Variants in C2orf80 observed in about 807,000 individuals in gnomAD.
C2orf80 encodes uncharacterized protein C2orf80.
C2orf80 carries 28 observed loss-of-function variants against 30.2 expected under a neutral mutation model. The observed-to-expected ratio is 0.93, with a 90% confidence interval of 0.69 to 1.27. C2orf80 has a LOEUF of 1.27. Among genes scored for constraint, C2orf80 ranks in the 50% most tolerant of loss-of-function variants. C2orf80 has a pLI of 0.00. For synonymous variants in C2orf80, 80 were observed against 76.4 expected (o/e 1.05, Z -0.24); for missense variants, 220 against 231.0 (o/e 0.95, Z 0.31).
intron 2 of C2orf80, 73 bp from the exon 3 acceptor site, chr2:208,185,105 T>TC (rs144966371): frequency 0.075 from 76,285 of 1,012,114 alleles, 3,601 homozygotes; most frequent in African/African-American, 0.24. Flanking sequence ...GCTTTTTTTT[T>TC]TCCCATCCCT....
rs1398451268 is a variant in C2orf80, at chr2:208,176,970, CATATATACAGAAATGT to C, written c.366+3759_366+3774del. Among the ~76,000 whole-genome samples, 85 of 91,958 alleles carry C rather than the reference CATATATACAGAAATGT, an allele frequency of 9.2e-4. 2 individuals are homozygous for C. Among genetic ancestry groups the C allele is most frequent in the South Asian group, 1.5e-3 (4 of 2,606 alleles). 60.3% of individuals were successfully genotyped at this position (91,958 alleles called of 152,430 possible). ...ATACATATCTGTATACATATGTATACATATATACAGAAATGTATATGTATACATATATACATATATA... is the reference window on the plus strand; with the variant it reads ...ATACATATCTGTATACATATGTATACATATGTATACATATATACATATATA... On this transcript the variant is annotated intron_variant, in intron 6 of 8. Transcript: ENST00000341287.
At chr2:208,176,923 A>G (rs1353844629) in intron 6 of C2orf80, among the ~76,000 whole-genome samples, 2 of 120,174 alleles carry the variant, frequency 1.7e-5, no homozygotes, top group Admixed American at 7.7e-5. Context: ...ACATATCTGT[A>G]TACATATGTA....
In C2orf80 at chr2:208,182,975, A is replaced by T. The variant is rs779699466; in HGVS notation, c.196T>A (p.Trp66Arg). ...DPSEDLTWLE[W>R]EELKIPLHGR... ...CCTACTTCAACTTACAGTTCCTCCC[A>T]CTCCAGCCAAGTTAAGTCTTCTGAG... The change falls in exon 4 of 9, where the codon TGG (tryptophan) becomes AGG (arginine). Residue 66 changes from tryptophan to arginine, a missense_variant. Trp to Arg is a moderately radical substitution (Grantham distance 101). Coordinates refer to ENST00000341287, the MANE Select transcript of C2orf80 (RefSeq NM_001099334.3). 49 of 1,613,176 alleles carry T rather than the reference A, an allele frequency of 3.0e-5. 1 individual carries two copies. In the South Asian group the frequency reaches 5.4e-4, roughly 18 times the overall value.
At chr2:208,180,904 T>A (rs1696536789) in intron 5 of C2orf80, 88 bp from the exon 6 acceptor site, 2 of 1,113,488 alleles carry the variant, frequency 1.8e-6, no homozygotes, top group Non-Finnish European at 2.7e-6. Context: ...CTCCAGTATG[T>A]CTAAAACTGT....
rs1235193041 is a variant in C2orf80, at chr2:208,189,955, A to G, written c.-78T>C. 1.4e-6 allele frequency: 1 copy of G among 702,926 alleles called. No homozygotes were observed. Among genetic ancestry groups the G allele is most frequent in the Admixed American group, 2.0e-5 (1 of 50,006 alleles). 43.5% of individuals were successfully genotyped at this position (702,926 alleles called of 1,614,324 possible). Reference sequence around the variant, plus strand: ...ATTCCCCTTTGAGAATCGCTCACCAACCGGAGACCGGTTCCAGTGCTTTTG... The same window carrying G: ...ATTCCCCTTTGAGAATCGCTCACCAGCCGGAGACCGGTTCCAGTGCTTTTG... On this transcript the variant is annotated splice_region_variant and 5_prime_UTR_variant, in exon 1 of 9. Coordinates refer to ENST00000341287, the MANE Select transcript of C2orf80 (RefSeq NM_001099334.3).
intron 8 of C2orf80, among the ~76,000 whole-genome samples, chr2:208,168,690 A>G (rs894712968): frequency 6.7e-6 from 1 of 148,220 alleles, no homozygotes; most frequent in Non-Finnish European, 1.5e-5. Context: ...AGTTGGAAAA[A>G]ATGCCTAAAG....
Position 208,172,046 on chromosome 2 carries a change from G to A in C2orf80, c.396C>T (p.Ser132=). 1.9e-6 allele frequency: 3 copies of A among 1,613,914 alleles called. No homozygotes were observed. The highest frequency in any genetic ancestry group is 2.5e-6 in the Non-Finnish European group (3 of 1,179,854). ...CTGTTAACATGGCAAAGGGGTGCAA[G>A]GAGAGGCAGAGAGATGAAACTCGGG... ...KVPRVSSLCL[S]LHPFAMLTAP... The change falls in exon 7 of 9, where the codon TCC becomes TCT. Residue 132 remains serine (S), a synonymous_variant. Transcript: ENST00000341287.
chr2:208,183,799 A>G (rs1257446343), intron 3 of C2orf80, among the ~76,000 whole-genome samples: 1 of 152,176 alleles, frequency 6.6e-6, no homozygotes, highest in African/African-American at 2.4e-5. Flanking sequence ...CACGTATAGT[A>G]AAAAGCTGAG....
At chr2:208,182,549 C>T (rs1205235247) in intron 4 of C2orf80, among the ~76,000 whole-genome samples, 3 of 152,122 alleles carry the variant, frequency 2.0e-5, no homozygotes, top group Non-Finnish European at 4.4e-5. Context: ...TACAGGTGTG[C>T]GCCACCACGC....
chr2:208,165,576 C>G lies in C2orf80; in HGVS notation c.*231G>C. On this transcript the variant is annotated 3_prime_UTR_variant, in exon 9 of 9. Transcript: ENST00000341287. ...ACTTTCTGAATTCTCCAGCAGTCTT[C>G]CAGTCACAATGAAGTAGCATAAGGT... 1 of 480,150 alleles carries G rather than the reference C, an allele frequency of 2.1e-6. No individual in the cohort carries two copies. Among genetic ancestry groups the G allele is most frequent in the Non-Finnish European group, 3.7e-6 (1 of 273,450 alleles). 29.7% of individuals were successfully genotyped at this position (480,150 alleles called of 1,614,324 possible). A position where few individuals can be genotyped will look rare whatever the true frequency, so the allele number is the denominator to read the frequency against.
chr2:208,174,880 A>ACT (rs528009411), intron 6 of C2orf80, among the ~76,000 whole-genome samples: 28 of 151,840 alleles, frequency 1.8e-4, no homozygotes, highest in African/African-American at 6.1e-4. Context: ...GCTCATTTCC[A>ACT]CTCTCTCTGT....
At chr2:208,174,285 G>C (rs58302395) in intron 6 of C2orf80, among the ~76,000 whole-genome samples, 1,711 of 152,168 alleles carry the variant, frequency 0.011, 33 homozygotes, top group African/African-American at 0.039. Context: ...TTGAACTTTT[G>C]TTTAAAACAT....
At chr2:208,169,847 G>A (rs1215728154) in intron 8 of C2orf80, among the ~76,000 whole-genome samples, 1 of 152,122 alleles carries the variant, frequency 6.6e-6, no homozygotes, top group Non-Finnish European at 1.5e-5. Context: ...TCTGTTATCA[G>A]AATAACATTT....
chr2:208,175,211 CGGGGGG>C lies in C2orf80; in HGVS notation c.367-3142_367-3137del, dbSNP rs71412474. 6.2e-5 allele frequency among the ~76,000 whole-genome samples: 8 copies of C among 128,272 alleles called. No individual in the cohort carries two copies. The East Asian group carries it at 6.3e-4, about 10-fold the overall frequency. The allele number at this position is 128,272 out of a possible 152,430, so 84.2% of individuals were successfully genotyped here. A position where few individuals can be genotyped will look rare whatever the true frequency, so the allele number is the denominator to read the frequency against. ...TGAGGCGAGAGAATCACTTGAACCC[CGGGGGG>C]GGGGGGGGCGGAGGTTGCAGTGAGC... is the stretch of plus-strand genomic sequence containing the variant. On this transcript the variant is annotated intron_variant, in intron 6 of 8. Transcript: ENST00000341287.
intron 6 of C2orf80, among the ~76,000 whole-genome samples, chr2:208,177,010 TAC>T (rs1696368995): frequency 9.4e-6 from 1 of 105,864 alleles, no homozygotes; most frequent in African/African-American, 2.9e-5. Flanking sequence ...TATACATATA[TAC>T]AGATACATAT....
intron 1 of C2orf80, among the ~76,000 whole-genome samples, chr2:208,189,105 C>T (rs1696804031): frequency 6.6e-6 from 1 of 152,228 alleles, no homozygotes; most frequent in African/African-American, 2.4e-5. Context: ...GTCTGGCATG[C>T]ATTAAAATTC....
intron 8 of C2orf80, 125 bp from the exon 9 acceptor site, chr2:208,165,940 G>T: frequency 1.7e-6 from 1 of 577,016 alleles, no homozygotes. Flanking sequence ...AGATAGATTA[G>T]ATTAATGTAA....
chr2:208,167,495 C>T (rs1695935111), intron 8 of C2orf80, among the ~76,000 whole-genome samples: 1 of 151,964 alleles, frequency 6.6e-6, no homozygotes, highest in South Asian at 2.1e-4. Context: ...GCACTCCAGC[C>T]TGGGCAACAA....
At chr2:208,169,729 G>A (rs1316525489) in intron 8 of C2orf80, among the ~76,000 whole-genome samples, 1 of 134,804 alleles carries the variant, frequency 7.4e-6, no homozygotes, top group South Asian at 2.4e-4. Flanking sequence ...AAAAAAAAAA[G>A]GAAAAGAAAA....
Sources: allele counts gnomAD v4.1 joint callset (sites outside exome capture counted in the v4.1 genomes callset), GRCh38; gene constraint gnomAD v4.1.1; transcripts MANE v1.5; gene names NCBI Gene and HGNC (gene_info 2026-07-23, HGNC 2026-07-21).